PKP4: variants seen among roughly 807,000 people sequenced by gnomAD.
PKP4 encodes the protein plakophilin-4.
A neutral mutation model predicts 145.1 loss-of-function variants in PKP4; 90 were observed. That is an observed-to-expected ratio of 0.62 (90% CI 0.52 to 0.74). The LOEUF (loss-of-function observed/expected upper bound fraction) is 0.74. Ranked by LOEUF, PKP4 falls within the 30% of genes least tolerant of loss-of-function variation. The pLI is 0.00. For synonymous variants in PKP4, 563 were observed against 577.2 expected (o/e 0.98, Z 0.35); for missense variants, 1,340 against 1,482.7 (o/e 0.90, Z 1.58).
intron 2 of PKP4, among the ~76,000 whole-genome samples, chr2:158,566,479 A>AATATATATATATATATATATATATATAT (rs561964313): frequency 6.9e-4 from 105 of 151,206 alleles, no homozygotes; most frequent in African/African-American, 2.3e-3. Flanking sequence ...ATAATTTTGA[A>AATATATATATATATATATATATATATAT]ATATATATAT....
At chr2:158,528,686 A>G (rs984630822) in intron 1 of PKP4, among the ~76,000 whole-genome samples, 5 of 138,422 alleles carry the variant, frequency 3.6e-5, no homozygotes, top group Non-Finnish European at 6.5e-5. Flanking sequence ...AAAAAAAAAA[A>G]GAGACCTGGG....
chr2:158,473,791 A>T (rs1691998018), intron 1 of PKP4, among the ~76,000 whole-genome samples: 1 of 152,182 alleles, frequency 6.6e-6, no homozygotes, highest in South Asian at 2.1e-4. Flanking sequence ...TGTACCCCTG[A>T]ACCTAAAAGT....
rs533881235 is a variant in PKP4, at chr2:158,477,347, C to T, written c.-6+20129C>T. ...CTTGTTTCCCATCAGCTTATCTAGCCGGAAATATCAGACTTTGCTTCTCCT... is the reference window on the plus strand; with the variant it reads ...CTTGTTTCCCATCAGCTTATCTAGCTGGAAATATCAGACTTTGCTTCTCCT... On this transcript the variant is annotated intron_variant, in intron 1 of 21. Transcript: ENST00000389759. 8.5e-5 allele frequency among the ~76,000 whole-genome samples: 13 copies of T among 152,184 alleles called. 2 individuals carry two copies. Among genetic ancestry groups the T allele is most frequent in the African/African-American group, 2.6e-4 (11 of 41,526 alleles).
At chr2:158,467,999 T>C (rs1410520034) in intron 1 of PKP4, among the ~76,000 whole-genome samples, 1 of 152,244 alleles carries the variant, frequency 6.6e-6, no homozygotes, top group Non-Finnish European at 1.5e-5. Flanking sequence ...CCAAGTAATA[T>C]TCCATAATAT....
chr2:158,623,349 G>T (rs1294920052), intron 6 of PKP4, among the ~76,000 whole-genome samples: 4 of 151,756 alleles, frequency 2.6e-5, no homozygotes, highest in Admixed American at 1.3e-4. Flanking sequence ...TAATTTTTTT[G>T]TTTGTTTGTT....
At chr2:158,605,296 C>T (rs2050565981) in intron 4 of PKP4, among the ~76,000 whole-genome samples, 1 of 152,180 alleles carries the variant, frequency 6.6e-6, no homozygotes, top group Admixed American at 6.5e-5. Context: ...TCTCCTACTT[C>T]ATGCCTAGAA....
At chr2:158,460,912 A>T (rs1689667719) in intron 1 of PKP4, among the ~76,000 whole-genome samples, 1 of 152,230 alleles carries the variant, frequency 6.6e-6, no homozygotes, top group Non-Finnish European at 1.5e-5. Context: ...TTGGAGAATT[A>T]AATAACTATT....
At chr2:158,563,601 T>C (rs541926310) in intron 2 of PKP4, among the ~76,000 whole-genome samples, 2 of 152,314 alleles carry the variant, frequency 1.3e-5, no homozygotes, top group East Asian at 3.9e-4. Flanking sequence ...ATTTTGATGA[T>C]TATTGGGTTG....
At chr2:158,470,559 CATT>C (rs1339657922) in intron 1 of PKP4, among the ~76,000 whole-genome samples, 2 of 152,200 alleles carry the variant, frequency 1.3e-5, no homozygotes, top group Non-Finnish European at 2.9e-5. Flanking sequence ...CAATCTAATT[CATT>C]ATTTTCTTCA....
chr2:158,627,697 C>A (rs2052940589), intron 7 of PKP4, among the ~76,000 whole-genome samples: 1 of 149,568 alleles, frequency 6.7e-6, no homozygotes, highest in South Asian at 2.1e-4. Flanking sequence ...ATAATCATGG[C>A]ATGTAAAGAA....
intron 3 of PKP4, among the ~76,000 whole-genome samples, chr2:158,583,589 T>C (rs1373127197): frequency 6.6e-6 from 1 of 152,190 alleles, no homozygotes; most frequent in East Asian, 1.9e-4. Flanking sequence ...TACAATCCTT[T>C]ACTAGCACTT....
At chr2:158,460,093 A>T (rs1455284632) in intron 1 of PKP4, among the ~76,000 whole-genome samples, 1 of 152,158 alleles carries the variant, frequency 6.6e-6, no homozygotes, top group Non-Finnish European at 1.5e-5. Flanking sequence ...AATTATTTTA[A>T]TTTTTACCTG....
At position 158,522,677 on chromosome 2, in the gene PKP4, C is replaced by T. The variant is rs1394891611; in HGVS notation, c.-5-10503C>T. ...TCCGGTCTACAGCTCCCAGCGTGAG[C>T]GACGCAGAAGACGGGTGATTTCTGC... On this transcript the variant is annotated intron_variant, in intron 1 of 21. Coordinates refer to ENST00000389759, the MANE Select transcript of PKP4 (RefSeq NM_003628.6). Among the ~76,000 whole-genome samples the T allele has an allele frequency of 3.9e-5, 6 of 152,178 alleles. No individual in the cohort carries two copies. In the East Asian group the frequency reaches 5.8e-4, roughly 15 times the overall value.
In PKP4 at chr2:158,663,466, C is replaced by T. The variant is rs1194390595; in HGVS notation, c.2577+21C>T. 3.1e-6 allele frequency: 5 copies of T among 1,596,274 alleles called. No individual in the cohort carries two copies. The African/African-American group carries it at 6.7e-5, about 21-fold the overall frequency. On this transcript the variant is annotated intron_variant, in intron 15 of 21. Coordinates refer to ENST00000389759, the MANE Select transcript of PKP4 (RefSeq NM_003628.6). ...GGAAGGTAGGATGACTTCCACTTAT[C>T]TACACTTCTTTCCATCTTTGCAAAC...
chr2:158,510,117 G>A (rs2041368755), intron 1 of PKP4, among the ~76,000 whole-genome samples: 1 of 152,188 alleles, frequency 6.6e-6, no homozygotes, highest in Non-Finnish European at 1.5e-5. Context: ...TAGGAAGATT[G>A]AAAATGAAAT....
intron 3 of PKP4, among the ~76,000 whole-genome samples, chr2:158,601,907 T>G (rs1444282250): frequency 6.6e-6 from 1 of 152,142 alleles, no homozygotes; most frequent in Non-Finnish European, 1.5e-5. Flanking sequence ...AGGACGGTTC[T>G]TCCCCCACTC....
intron 1 of PKP4, among the ~76,000 whole-genome samples, chr2:158,461,676 C>G (rs1219127686): frequency 1.3e-5 from 2 of 152,044 alleles, no homozygotes; most frequent in South Asian, 2.1e-4. Context: ...AGGGAGGGGG[C>G]CAGGGGAAGC....
chr2:158,555,233 G>C (rs1262118334), intron 2 of PKP4, among the ~76,000 whole-genome samples: 1 of 152,166 alleles, frequency 6.6e-6, no homozygotes, highest in Non-Finnish European at 1.5e-5. Context: ...GGTTTGAGTT[G>C]TTCAGTCCGT....
chr2:158,602,948 A>C (rs2050347615), intron 3 of PKP4, 122 bp from the exon 4 acceptor site: 1 of 501,058 alleles, frequency 2.0e-6, no homozygotes, highest in Non-Finnish European at 3.6e-6. Context: ...ATTTTATTTA[A>C]GGTTTTTGTG....
Sources: gnomAD v4.1 joint callset for allele counts (sites outside exome capture counted in the v4.1 genomes callset) on GRCh38, gnomAD v4.1.1 for gene constraint, MANE v1.5 for transcripts, NCBI Gene and HGNC (gene_info 2026-07-23, HGNC 2026-07-21) for gene names.